FGF14: variants seen among roughly 807,000 people sequenced by gnomAD.
FGF14 encodes fibroblast growth factor 14.
In FGF14, 5 loss-of-function variants were observed where a neutral mutation model predicts 25.5. The ratio of observed to expected loss-of-function variants is 0.20; its 90% CI spans 0.10 to 0.41. The LOEUF is 0.41. FGF14 is among the 10% of genes least tolerant of loss of function. The pLI, the probability that FGF14 is intolerant of heterozygous loss-of-function variation, is 1.00. For missense variants in FGF14, 222 were observed against 320.1 expected (o/e 0.69, Z 2.34); for synonymous variants, 138 against 118.3 (o/e 1.17, Z -1.08).
chr13:102,338,159 A>G lies in FGF14; in HGVS notation c.208+63312T>C, dbSNP rs545237192. Among the ~76,000 whole-genome samples, 187 of 152,306 alleles carry G rather than the reference A, an allele frequency of 1.2e-3. 1 individual carries two copies. Among genetic ancestry groups the G allele is most frequent in the Middle Eastern group, 0.01 (3 of 294 alleles). On this transcript the variant is annotated intron_variant, in intron 1 of 4. Transcript: ENST00000376131. ...AGGGAATATTTTGAAAGTCTCCATA[A>G]GGAACATTTAATTTCTTGCATCCCT...
intron 1 of FGF14, among the ~76,000 whole-genome samples, chr13:101,877,789 T>G (rs1249396446): frequency 6.6e-6 from 1 of 152,138 alleles, no homozygotes. Context: ...TCTTCTCAGA[T>G]CCATCTCACT....
intron 1 of FGF14, among the ~76,000 whole-genome samples, chr13:102,172,082 G>A (rs1158941224): frequency 2.0e-5 from 3 of 151,518 alleles, no homozygotes; most frequent in African/African-American, 7.3e-5. Context: ...CTCCTCCCTC[G>A]ACCTCCCAAA....
At chr13:102,188,710 C>G (rs917301372) in intron 1 of FGF14, among the ~76,000 whole-genome samples, 5 of 151,976 alleles carry the variant, frequency 3.3e-5, no homozygotes, top group Non-Finnish European at 5.9e-5. Flanking sequence ...GAGGCTGAGG[C>G]AGGTGGATCA....
chr13:102,003,005 G>A (rs973569036), intron 1 of FGF14: 2 of 152,158 alleles, frequency 1.3e-5, no homozygotes, highest in Non-Finnish European at 2.9e-5. Flanking sequence ...CAGAATGACA[G>A]GCTTGGGAGT....
At chr13:101,876,439 C>T (rs578193246) in intron 1 of FGF14, among the ~76,000 whole-genome samples, 19 of 152,150 alleles carry the variant, frequency 1.2e-4, no homozygotes, top group African/African-American at 4.3e-4. Context: ...TAGGTGAAGA[C>T]AAAAAAATTT....
At chr13:102,165,352 A>T (rs927367188) in intron 1 of FGF14, among the ~76,000 whole-genome samples, 6 of 152,054 alleles carry the variant, frequency 3.9e-5, no homozygotes, top group African/African-American at 1.4e-4. Flanking sequence ...GCTGCTATAA[A>T]GGCACATGCA....
intron 1 of FGF14, among the ~76,000 whole-genome samples, chr13:101,910,126 G>T (rs2032752384): frequency 6.6e-6 from 1 of 152,028 alleles, no homozygotes; most frequent in African/African-American, 2.4e-5. Context: ...ATAGCATTAG[G>T]AGATATACCT....
chr13:102,388,151 G>T (rs1205872064), intron 1 of FGF14, among the ~76,000 whole-genome samples: 1 of 152,122 alleles, frequency 6.6e-6, no homozygotes, highest in East Asian at 1.9e-4. Flanking sequence ...ACATCATTTT[G>T]CAGGGAAATA....
chr13:101,919,115 G>A (rs115701200), upstream of FGF14, among the ~76,000 whole-genome samples: 1,144 of 152,246 alleles, frequency 7.5e-3, 13 homozygotes, highest in African/African-American at 0.026. Flanking sequence ...TGTCTATAGA[G>A]AGATGAAAAT....
At chr13:102,064,365 C>T (rs1368964128) in intron 1 of FGF14, among the ~76,000 whole-genome samples, 2 of 151,994 alleles carry the variant, frequency 1.3e-5, no homozygotes, top group Non-Finnish European at 2.9e-5. Flanking sequence ...TAGATGGGTT[C>T]CTAGTCAGAG....
At chr13:101,819,769 A>G (rs3007772) in intron 3 of FGF14, among the ~76,000 whole-genome samples, 87,897 of 152,040 alleles carry the variant, frequency 0.58, 25,855 homozygotes, top group Non-Finnish European at 0.63. Flanking sequence ...GATAAATCAA[A>G]TACATGTCTT....
chr13:102,382,190 A>G (rs1408837602), intron 1 of FGF14, among the ~76,000 whole-genome samples: 3 of 152,162 alleles, frequency 2.0e-5, no homozygotes, highest in Non-Finnish European at 4.4e-5. Flanking sequence ...TAAGAAAGTG[A>G]AAAGAAAATC....
rs1263391208 is a variant in FGF14, at chr13:101,723,721, C to CTAAA, written c.608-758_608-755dup. Reference sequence around the variant, plus strand: ...ACCTGAATAAACTCTGAGGATTTATCTAAATAGTGTCTGGTGGCATAATCA... The same window carrying CTAAA: ...ACCTGAATAAACTCTGAGGATTTATCTAAATAAATAGTGTCTGGTGGCATAATCA... On this transcript the variant is annotated intron_variant, in intron 4 of 4. Transcript: ENST00000376143. Among the ~76,000 whole-genome samples, 3 of 151,970 alleles carry CTAAA rather than the reference C, an allele frequency of 2.0e-5. No homozygotes were observed. In the East Asian group the frequency reaches 5.8e-4, roughly 29 times the overall value.
At chr13:101,900,252 C>G (rs1230166489) in intron 1 of FGF14, among the ~76,000 whole-genome samples, 6 of 152,066 alleles carry the variant, frequency 3.9e-5, no homozygotes, top group Non-Finnish European at 5.9e-5. Context: ...TTAAAATCAA[C>G]AAGCTTACAA....
At position 102,261,944 on chromosome 13, in the gene FGF14, C is replaced by T. The variant is rs183823265; in HGVS notation, c.208+139527G>A. 4.5e-3 allele frequency among the ~76,000 whole-genome samples: 678 copies of T among 152,114 alleles called. 5 individuals are homozygous for T. Among genetic ancestry groups the T allele is most frequent in the African/African-American group, 0.015 (637 of 41,490 alleles). On this transcript the variant is annotated intron_variant, in intron 1 of 4. Transcript: ENST00000376131. The stretch of plus-strand genomic sequence containing the variant: ...GGCTTCATTAGCAACTGTATCAGGA[C>T]GCATGGAGAAAGGGGGCCCACTTAA...
intron 1 of FGF14, among the ~76,000 whole-genome samples, chr13:101,887,339 T>C (rs1046594851): frequency 1.7e-4 from 26 of 151,278 alleles, no homozygotes; most frequent in Admixed American, 1.5e-3. Flanking sequence ...TATATATATA[T>C]ATATATACAC....
chr13:101,897,887 T>C (rs1566397683), intron 1 of FGF14, among the ~76,000 whole-genome samples: 1 of 152,106 alleles, frequency 6.6e-6, no homozygotes, highest in South Asian at 2.1e-4. Flanking sequence ...TTAGGATTTT[T>C]AATTTATTTT....
chr13:102,272,153 C>G (rs2053279785), intron 1 of FGF14, among the ~76,000 whole-genome samples: 1 of 152,168 alleles, frequency 6.6e-6, no homozygotes, highest in Non-Finnish European at 1.5e-5. Flanking sequence ...TCAAACACCC[C>G]TTAGGTTTTC....
chr13:102,265,678 T>G (rs972289510), intron 1 of FGF14, among the ~76,000 whole-genome samples: 2 of 152,140 alleles, frequency 1.3e-5, no homozygotes, highest in Admixed American at 6.6e-5. Context: ...TGAGAAAAAT[T>G]TAATGACTAA....
Sources: gnomAD v4.1 joint callset for allele counts (sites outside exome capture counted in the v4.1 genomes callset) on GRCh38, gnomAD v4.1.1 for gene constraint, MANE v1.5 for transcripts, NCBI Gene and HGNC (gene_info 2026-07-23, HGNC 2026-07-21) for gene names.